Variants in EGFR observed in about 807,000 individuals in gnomAD.
EGFR encodes the protein epidermal growth factor receptor.
Under a neutral mutation model 143.0 loss-of-function variants are expected in EGFR, and 58 were observed. The ratio of observed to expected loss-of-function variants is 0.41; its 90% CI spans 0.33 to 0.50. The LOEUF is 0.50. Among genes scored for constraint, EGFR ranks in the 20% least tolerant of loss-of-function variants. EGFR has a pLI of 0.39. For missense variants in EGFR, 1,307 were observed against 1,579.0 expected, an observed-to-expected ratio of 0.83 and a Z score of 2.92; for synonymous variants, 613 against 594.4, an observed-to-expected ratio of 1.03 and a Z score of -0.45.
rs143028840 is a variant in EGFR at position 55,044,786 on chromosome 7, C to T, written c.88+25421C>T. 1.5e-4 allele frequency among the ~76,000 whole-genome samples: 23 copies of T among 152,304 alleles called. No individual in the cohort carries two copies. The East Asian group carries it at 3.5e-3, about 23-fold the overall frequency. On this transcript the variant is annotated intron_variant, in intron 1 of 27. Transcript: ENST00000275493. ...AACTTCAGTCACTTATGCCTATAAG[C>T]GGGCATACAACAGGGGCACAATAAA...
intron 4 of EGFR, among the ~76,000 whole-genome samples, chr7:55,148,298 G>A (rs1030720960): frequency 6.6e-5 from 10 of 151,966 alleles, no homozygotes; most frequent in African/African-American, 1.9e-4. Context: ...AACCTGGAAC[G>A]GTTATGGGGC....
intron 13 of EGFR, 113 bp from the exon 14 acceptor site, chr7:55,163,620 G>A: frequency 2.3e-6 from 2 of 863,170 alleles, no homozygotes; most frequent in Non-Finnish European, 3.9e-6. Context: ...TAGTCCTGGA[G>A]TCCCAACTCC....
At chr7:55,038,336 A>C (rs1787716737) in intron 1 of EGFR, among the ~76,000 whole-genome samples, 1 of 152,142 alleles carries the variant, frequency 6.6e-6, no homozygotes, top group Non-Finnish European at 1.5e-5. Flanking sequence ...ACTTTGGAGG[A>C]GTCTCACCCT....
At position 55,151,388 on chromosome 7, in the gene EGFR, C is replaced by T. The variant is rs764911170; in HGVS notation, c.628+26C>T. On this transcript the variant is annotated intron_variant, in intron 5 of 27. Coordinates refer to ENST00000275493, the MANE Select transcript of EGFR (RefSeq NM_005228.5). ...GTAAGTCAGTGAACAGCCTCAGACC[C>T]ATGTGTGACCGCCCCTCTCTTCCTT... The T allele has an allele frequency of 8.1e-6, 13 of 1,611,816 alleles. No individual in the cohort carries two copies. The South Asian group carries it at 1.2e-4, about 15-fold the overall frequency.
At chr7:55,110,735 G>A (rs1792429518) in intron 1 of EGFR, among the ~76,000 whole-genome samples, 2 of 152,136 alleles carry the variant, frequency 1.3e-5, no homozygotes, top group South Asian at 4.2e-4. Flanking sequence ...TGCTTTATTT[G>A]GGACCGATTT....
intron 5 of EGFR, 40 bp downstream of exon 5, chr7:55,151,402 C>A (rs780798595): frequency 1.3e-6 from 2 of 1,599,050 alleles, no homozygotes. Context: ...TGTGACCGCC[C>A]CTCTCTTCCT....
At chr7:55,068,009 C>T (rs1389546143) in intron 1 of EGFR, among the ~76,000 whole-genome samples, 1 of 150,188 alleles carries the variant, frequency 6.7e-6, no homozygotes, top group Non-Finnish European at 1.5e-5. Flanking sequence ...TGTCTGTGGG[C>T]ACAGGTGTGC....
At chr7:55,045,402 T>A (rs7785313) in intron 1 of EGFR, among the ~76,000 whole-genome samples, 1 of 152,222 alleles carries the variant, frequency 6.6e-6, no homozygotes, top group Non-Finnish European at 1.5e-5. Flanking sequence ...TTGATTGAAC[T>A]TCACTTGCTT....
At chr7:55,121,886 C>T (rs1331407215) in intron 1 of EGFR, among the ~76,000 whole-genome samples, 1 of 152,144 alleles carries the variant, frequency 6.6e-6, no homozygotes, top group African/African-American at 2.4e-5. Flanking sequence ...GAAGCTGTCC[C>T]ATGTGGGGCC....
chr7:55,020,593 C>CACA (rs71014676), intron 1 of EGFR, among the ~76,000 whole-genome samples: 2 of 151,448 alleles, frequency 1.3e-5, no homozygotes, highest in Non-Finnish European at 2.9e-5. Flanking sequence ...CACACACACA[C>CACA]CGGATTGCTG....
At position 55,207,706 on chromosome 7, in the gene EGFR, C is replaced by T. The variant is rs906958961; in HGVS notation, c.*2089C>T. The T allele has an allele frequency of 6.5e-6, 1 of 152,738 alleles. No individual in the cohort carries two copies. The highest frequency in any genetic ancestry group is 1.5e-5 in the Non-Finnish European group (1 of 68,322). 9.5% of individuals were successfully genotyped at this position (152,738 alleles called of 1,614,324 possible). A position where few individuals can be genotyped will look rare whatever the true frequency, so the allele number is the denominator to read the frequency against. On this transcript the variant is annotated 3_prime_UTR_variant, in exon 28 of 28. Transcript: ENST00000275493. Reference sequence around the variant, plus strand: ...AAGTCCACATAAGGCTGAGGTCAGTCACCCTAAACAACCTGCTCCCTCTAA... The same window carrying T: ...AAGTCCACATAAGGCTGAGGTCAGTTACCCTAAACAACCTGCTCCCTCTAA...
chr7:55,123,140 TCTACCTAATTAC>T (rs1353604623), intron 1 of EGFR, among the ~76,000 whole-genome samples: 3 of 152,258 alleles, frequency 2.0e-5, no homozygotes, highest in Non-Finnish European at 2.9e-5. Context: ...TTGAAAATCA[TCTACCTAATTAC>T]CTTTATTTTA....
chr7:55,202,443 C>T, intron 26 of EGFR, 74 bp from the exon 27 acceptor site: 1 of 1,269,138 alleles, frequency 7.9e-7, no homozygotes, highest in East Asian at 2.5e-5. Context: ...TCAAGGAGAT[C>T]TCGGGTGATT....
At chr7:55,025,209 C>T (rs1786810695) in intron 1 of EGFR, among the ~76,000 whole-genome samples, 1 of 152,160 alleles carries the variant, frequency 6.6e-6, no homozygotes, top group Non-Finnish European at 1.5e-5. Flanking sequence ...AAGATGGCTG[C>T]AGCAGCGGTT....
chr7:55,078,876 C>T (rs1021967505), intron 1 of EGFR, among the ~76,000 whole-genome samples: 2 of 152,332 alleles, frequency 1.3e-5, no homozygotes, highest in African/African-American at 2.4e-5. Flanking sequence ...CCCCATGCAG[C>T]CCCCACTCCC....
chr7:55,152,717 C>A, intron 6 of EGFR, 53 bp downstream of exon 6: 1 of 1,472,756 alleles, frequency 6.8e-7, no homozygotes, highest in Non-Finnish European at 9.5e-7. Flanking sequence ...TGCACCCGCC[C>A]CACCCACACC....
intron 1 of EGFR, among the ~76,000 whole-genome samples, chr7:55,076,779 T>A (rs1790155485): frequency 6.6e-6 from 1 of 152,174 alleles, no homozygotes; most frequent in Non-Finnish European, 1.5e-5. Context: ...TATGTCAGAA[T>A]ATATATACTA....
At chr7:55,091,597 T>C (rs1403627410) in intron 1 of EGFR, among the ~76,000 whole-genome samples, 1 of 152,156 alleles carries the variant, frequency 6.6e-6, no homozygotes, top group Non-Finnish European at 1.5e-5. Context: ...TTGAGAAATG[T>C]CATGTCGAAG....
At chr7:55,104,757 G>T (rs186487481) in intron 1 of EGFR, among the ~76,000 whole-genome samples, 1 of 152,302 alleles carries the variant, frequency 6.6e-6, no homozygotes, top group Admixed American at 6.5e-5. Flanking sequence ...ACTCTGAGGG[G>T]CATTGACTCT....
Sources: allele counts gnomAD v4.1 joint callset (sites outside exome capture counted in the v4.1 genomes callset), GRCh38; gene constraint gnomAD v4.1.1; transcripts MANE v1.5; gene names NCBI Gene and HGNC (gene_info 2026-07-23, HGNC 2026-07-21).